Variants in VWA1 observed in about 807,000 individuals in gnomAD.
VWA1 encodes von Willebrand factor A domain-containing protein 1.
Under a neutral mutation model 14.9 loss-of-function variants are expected in VWA1, and 12 were observed. That is an observed-to-expected ratio of 0.80 (90% CI 0.52 to 1.30). The LOEUF (loss-of-function observed/expected upper bound fraction) is 1.30, where lower values mean the gene tolerates loss of function less well. Among genes scored for constraint, VWA1 ranks in the 50% most tolerant of loss-of-function variants. The pLI is 0.00. For missense variants in VWA1, 800 were observed against 649.1 expected (o/e 1.23, Z -2.53); for synonymous variants, 368 against 310.7 (o/e 1.18, Z -1.94).
intron 1 of VWA1, among the ~76,000 whole-genome samples, 169 bp downstream of exon 1, chr1:1,435,990 G>C (rs966539484): frequency 6.6e-6 from 1 of 151,990 alleles, no homozygotes; most frequent in African/African-American, 2.4e-5. Flanking sequence ...TGAGGCTGGC[G>C]GCCCAGGTGC....
rs779866618 is a variant in VWA1 at position 1,437,113 on chromosome 1, C to T, written c.260C>T (p.Pro87Leu). The T allele has an allele frequency of 1.2e-6, 2 of 1,605,260 alleles. No individual in the cohort carries two copies. The highest frequency in any genetic ancestry group is 8.5e-7 in the Non-Finnish European group (1 of 1,174,534). ...HVGSRPYTEFPFGQHSSGEAA... is the reference protein window; with the variant it reads ...HVGSRPYTEFLFGQHSSGEAA... ...GGCAGTCGGCCATACACCGAGTTCC[C>T]CTTCGGCCAGCACAGCTCGGGTGAG... The change falls in exon 2 of 3, where the codon CCC becomes CTC. Residue 87 changes from proline (P) to leucine (L), a missense_variant. Physicochemically the swap from Pro to Leu is moderately conservative, Grantham distance 98. Transcript: ENST00000476993.
chr1:1,436,110 C>T (rs1312656860), intron 1 of VWA1, among the ~76,000 whole-genome samples: 4 of 152,288 alleles, frequency 2.6e-5, no homozygotes, highest in Admixed American at 2.6e-4. Flanking sequence ...AAGGGGGCAC[C>T]CCTGCCTCAG....
Position 1,436,908 on chromosome 1 carries a change from C to A in VWA1, c.74-19C>A. ...TGGGGGGCCCACACCTGAGGCTGAG[C>A]ATTCCTCCTTTCCCCCAGGTCCACC... is the stretch of plus-strand genomic sequence containing the variant. On this transcript the variant is annotated intron_variant, in intron 1 of 2. Coordinates refer to ENST00000476993, the MANE Select transcript of VWA1 (RefSeq NM_022834.5). The A allele has an allele frequency of 6.4e-7, 1 of 1,559,230 alleles. No homozygotes were observed. Among genetic ancestry groups the A allele is most frequent in the Non-Finnish European group, 8.7e-7 (1 of 1,150,340 alleles).
In VWA1 at chr1:1,440,504, C is replaced by G. The variant is rs1040893310; in HGVS notation, c.*717C>G. 6.0e-6 allele frequency: 1 copy of G among 166,206 alleles called. No individual in the cohort carries two copies. Among genetic ancestry groups the G allele is most frequent in the African/African-American group, 2.4e-5 (1 of 41,324 alleles). The allele number at this position is 166,206 out of a possible 1,614,324, so 10.3% of individuals were successfully genotyped here. On this transcript the variant is annotated 3_prime_UTR_variant, in exon 3 of 3. Coordinates refer to ENST00000476993, the MANE Select transcript of VWA1 (RefSeq NM_022834.5). Reference sequence around the variant, plus strand: ...CAGGAAACCTTCCGTCGTGAGGGAGCACTTCCCAGGGGCCGCAGGGACGAC... The same window carrying G: ...CAGGAAACCTTCCGTCGTGAGGGAGGACTTCCCAGGGGCCGCAGGGACGAC...
chr1:1,436,858 G>A (rs1392216735), intron 1 of VWA1, 69 bp from the exon 2 acceptor site: 4 of 1,489,038 alleles, frequency 2.7e-6, no homozygotes, highest in East Asian at 2.3e-5. Flanking sequence ...GGCCCTGGGG[G>A]ACCCTGCCTT....
Position 1,439,246 on chromosome 1 carries a change from C to A in VWA1, c.797C>A (p.Thr266Lys). The change falls in exon 3 of 3, where the codon ACG (threonine) becomes AAG (lysine). Residue 266 changes from threonine (T) to lysine (K), a missense_variant. By Grantham distance (78) the Thr-to-Lys change is moderately conservative. Coordinates refer to ENST00000476993, the MANE Select transcript of VWA1 (RefSeq NM_022834.5). ...CGCCAGCAGCTGCCAGGGAACGCCA[C>A]GGACTGGATCTGGGCCGGCCTCGAC... ...ARRQQLPGNA[T>K]DWIWAGLDPD... 6.2e-7 allele frequency: 1 copy of A among 1,607,310 alleles called. No homozygotes were observed. Among genetic ancestry groups the A allele is most frequent in the Non-Finnish European group, 8.5e-7 (1 of 1,178,828 alleles).
At position 1,437,393 on chromosome 1, in the gene VWA1, C is replaced by G. The variant is rs11556017; in HGVS notation, c.540C>G (p.Ala180=). 2 of 1,612,818 alleles carry G rather than the reference C, an allele frequency of 1.2e-6. No homozygotes were observed. The highest frequency in any genetic ancestry group is 1.7e-6 in the Non-Finnish European group (2 of 1,179,986). The change falls in exon 2 of 3, where the codon GCC becomes GCG. Residue 180 remains alanine (A), a synonymous_variant. Transcript: ENST00000476993. ...TGRGNFLELS[A]AASAPAEKHL... ...GAGGCAACTTCCTGGAGCTGTCAGC[C>G]GCTGCCTCAGCCCCTGCCGAGAAGC...
rs762149867 is a variant in VWA1, at chr1:1,437,242, G to A, written c.389G>A (p.Gly130Asp). 2 of 1,611,088 alleles carry A rather than the reference G, an allele frequency of 1.2e-6. No individual in the cohort carries two copies. The highest frequency in any genetic ancestry group is 2.2e-5 in the South Asian group (2 of 90,702). Residue 130 changes from glycine (G) to aspartate (D), a missense_variant, in exon 2 of 3, where the codon GGT (glycine) becomes GAT (aspartate). Physicochemically the swap from Gly to Asp is moderately conservative, Grantham distance 94. Coordinates refer to ENST00000476993, the MANE Select transcript of VWA1 (RefSeq NM_022834.5). ...AKEQLFAEAS[G>D]ARPGVPKVLV... ...GAACAGCTGTTTGCTGAAGCATCAG[G>A]TGCCCGGCCAGGGGTGCCCAAAGTG...
In VWA1 at chr1:1,439,766, G is replaced by T; in HGVS notation, c.1317G>T (p.Gly439=). Residue 439 remains glycine (G), a synonymous_variant, in exon 3 of 3, where the codon GGG becomes GGT. Transcript: ENST00000476993. ...CCGTGCCCCGCGCCCCGACCCCGGG[G>T]ACCGCCAGCCGTGAGCCGTAAGCCG... ...PRPVPRAPTP[G]TASREP 9.2e-7 allele frequency: 1 copy of T among 1,085,362 alleles called. No homozygotes were observed. The highest frequency in any genetic ancestry group is 4.0e-5 in the South Asian group (1 of 25,316). The allele number at this position is 1,085,362 out of a possible 1,614,324, so 67.2% of individuals were successfully genotyped here. A position where few individuals can be genotyped will look rare whatever the true frequency, so the allele number is the denominator to read the frequency against.
chr1:1,439,795 T>G lies in VWA1; in HGVS notation c.*8T>G. 9.3e-7 allele frequency: 1 copy of G among 1,071,528 alleles called. No individual in the cohort carries two copies. Among genetic ancestry groups the G allele is most frequent in the Non-Finnish European group, 1.1e-6 (1 of 885,214 alleles). The allele number at this position is 1,071,528 out of a possible 1,614,324, so 66.4% of individuals were successfully genotyped here. Reference sequence around the variant, plus strand: ...GCCAGCCGTGAGCCGTAAGCCGGCGTCCCCGCCCAGCCGAGAGGGCCGGCG... The same window carrying G: ...GCCAGCCGTGAGCCGTAAGCCGGCGGCCCCGCCCAGCCGAGAGGGCCGGCG... On this transcript the variant is annotated 3_prime_UTR_variant, in exon 3 of 3. Transcript: ENST00000476993.
chr1:1,439,870 C>A lies in VWA1; in HGVS notation c.*83C>A, dbSNP rs565276974. The stretch of plus-strand genomic sequence containing the variant: ...GAACCCGGAGCGGAGGCGCCCAACC[C>A]GGCAGACGGGTGCAGGCCCGGCCTT... On this transcript the variant is annotated 3_prime_UTR_variant, in exon 3 of 3. Transcript: ENST00000476993. The A allele has an allele frequency of 4.3e-5, 45 of 1,034,634 alleles. 1 individual carries two copies. The East Asian group carries it at 3.4e-3, about 78-fold the overall frequency. 64.1% of individuals were successfully genotyped at this position (1,034,634 alleles called of 1,614,324 possible). A position where few individuals can be genotyped will look rare whatever the true frequency, so the allele number is the denominator to read the frequency against.
Position 1,441,744 on chromosome 1 carries a change from TCACGGAG to T in VWA1, c.*1961_*1967del, listed in dbSNP as rs1638675058. ...CTTGCACACTGAGCCCAGGCCCAGCTCACGGAGCACCCTGCAGGTGGCAGCGGGGCAC... is the reference window on the plus strand; with the variant it reads ...CTTGCACACTGAGCCCAGGCCCAGCTCACCCTGCAGGTGGCAGCGGGGCAC... On this transcript the variant is annotated 3_prime_UTR_variant, in exon 3 of 3. Coordinates refer to ENST00000476993, the MANE Select transcript of VWA1 (RefSeq NM_022834.5). The T allele has an allele frequency of 6.6e-6, 1 of 152,226 alleles. No homozygotes were observed. The highest frequency in any genetic ancestry group is 2.4e-5 in the African/African-American group (1 of 41,412). 9.4% of individuals were successfully genotyped at this position (152,226 alleles called of 1,614,324 possible). A position where few individuals can be genotyped will look rare whatever the true frequency, so the allele number is the denominator to read the frequency against.
rs757717625 is a variant in VWA1 at position 1,439,285 on chromosome 1, A to ACGACGTGGCGCTAGTGCCTGAGTC, written c.838_861dup (p.Asp280_Ser287dup). On this transcript the variant is annotated inframe_insertion, in exon 3 of 3. Transcript: ENST00000476993. ...GCCGGCCTCGACCCGGACACGGACTACGACGTGGCGCTAGTGCCTGAGTCC... is the reference window on the plus strand; with the variant it reads ...GCCGGCCTCGACCCGGACACGGACTACGACGTGGCGCTAGTGCCTGAGTCCGACGTGGCGCTAGTGCCTGAGTCC... 72 of 1,602,658 alleles carry ACGACGTGGCGCTAGTGCCTGAGTC rather than the reference A, an allele frequency of 4.5e-5. No homozygotes were observed. The highest frequency in any genetic ancestry group is 8.4e-5 in the Admixed American group (5 of 59,230).
chr1:1,438,958 C>G (rs943684049), intron 2 of VWA1, 123 bp from the exon 3 acceptor site: 23 of 1,416,098 alleles, frequency 1.6e-5, no homozygotes, highest in Non-Finnish European at 2.1e-5. Flanking sequence ...GCTCCTTGGC[C>G]GCGGGGCCCC....
In VWA1 at chr1:1,437,252, AG is replaced by A. The variant is rs772942963; in HGVS notation, c.403del (p.Val135CysfsTer8). 13 of 1,610,584 alleles carry A rather than the reference AG, an allele frequency of 8.1e-6. No homozygotes were observed. The highest frequency in any genetic ancestry group is 5.3e-5 in the African/African-American group (4 of 75,048). ...LFAEASGARP[G>X]VPKVLVWVTD... ...TTGCTGAAGCATCAGGTGCCCGGCC[AG>A]GGGTGCCCAAAGTGCTGGTGTGGGT... On this transcript the variant is annotated frameshift_variant, in exon 2 of 3. Coordinates refer to ENST00000476993, the MANE Select transcript of VWA1 (RefSeq NM_022834.5). LOFTEE classifies it high-confidence loss of function.
Position 1,439,936 on chromosome 1 carries a change from G to A in VWA1, c.*149G>A, listed in dbSNP as rs1570126693. 23 of 940,160 alleles carry A rather than the reference G, an allele frequency of 2.4e-5. No individual in the cohort carries two copies. In the Admixed American group the frequency reaches 5.3e-4, roughly 22 times the overall value. The allele number at this position is 940,160 out of a possible 1,614,324, so 58.2% of individuals were successfully genotyped here. On this transcript the variant is annotated 3_prime_UTR_variant, in exon 3 of 3. Transcript: ENST00000476993. Reference sequence around the variant, plus strand: ...CGCGCGACCCCGGCCCTCTCCCTGCGGCCGCAGGGCTTCCCCGCCTGGCGC... The same window carrying A: ...CGCGCGACCCCGGCCCTCTCCCTGCAGCCGCAGGGCTTCCCCGCCTGGCGC...
At chr1:1,438,088 G>A (rs953879815) in intron 2 of VWA1, among the ~76,000 whole-genome samples, 2 of 152,190 alleles carry the variant, frequency 1.3e-5, no homozygotes, top group Non-Finnish European at 2.9e-5. Context: ...AGCTGGGGCT[G>A]GAGATGAGGA....
chr1:1,436,029 G>A (rs1434618060), intron 1 of VWA1, among the ~76,000 whole-genome samples: 2 of 152,100 alleles, frequency 1.3e-5, no homozygotes, highest in Non-Finnish European at 1.5e-5. Context: ...TGAGCGCCGG[G>A]GCATAGGGGC....
rs145827379 is a variant in VWA1, at chr1:1,437,136, G to A, written c.283G>A (p.Glu95Lys). Reference sequence around the variant, plus strand: ...CCCCTTCGGCCAGCACAGCTCGGGTGAGGCTGCCCAGGATGCGGTGCGTGC... The same window carrying A: ...CCCCTTCGGCCAGCACAGCTCGGGTAAGGCTGCCCAGGATGCGGTGCGTGC... ...EFPFGQHSSG[E>K]AAQDAVRASA... The change falls in exon 2 of 3, where the codon GAG becomes AAG. Residue 95 changes from glutamate to lysine, a missense_variant. Physicochemically the swap from Glu to Lys is moderately conservative, Grantham distance 56 (BLOSUM62 1). Coordinates refer to ENST00000476993, the MANE Select transcript of VWA1 (RefSeq NM_022834.5). 282 of 1,606,844 alleles carry A rather than the reference G, an allele frequency of 1.8e-4. 1 individual carries two copies. Among genetic ancestry groups the A allele is most frequent in the Non-Finnish European group, 2.3e-4 (273 of 1,175,750 alleles).
Sources: allele counts gnomAD v4.1 joint callset (sites outside exome capture counted in the v4.1 genomes callset), GRCh38; gene constraint gnomAD v4.1.1; transcripts MANE v1.5; gene names NCBI Gene and HGNC (gene_info 2026-07-23, HGNC 2026-07-21).